TRIM37: variants seen among roughly 807,000 people sequenced by gnomAD.
TRIM37 encodes tripartite motif containing 37, also known as E3 ubiquitin-protein ligase TRIM37.
In TRIM37, 80 loss-of-function variants were observed where a neutral mutation model predicts 129.8. That is an observed-to-expected ratio of 0.62 (90% CI 0.51 to 0.74). The LOEUF (loss-of-function observed/expected upper bound fraction) is 0.74. Ranked by LOEUF, TRIM37 falls within the 30% of genes least tolerant of loss-of-function variation. The probability of loss-of-function intolerance (pLI) is 0.00; values close to 1 mark genes in which losing one functional copy is unlikely to be tolerated. For synonymous variants in TRIM37, 389 were observed against 387.1 expected, an observed-to-expected ratio of 1.00 and a Z score of -0.06; for missense variants, 1,054 against 1,176.5, an observed-to-expected ratio of 0.90 and a Z score of 1.52.
At chr17:59,016,719 G>T (rs2035991355) in intron 20 of TRIM37, among the ~76,000 whole-genome samples, 1 of 151,100 alleles carries the variant, frequency 6.6e-6, no homozygotes, top group South Asian at 2.1e-4. Flanking sequence ...GGAGGTCAAG[G>T]CTACAGTGAG....
chr17:59,106,704 A>C lies in TRIM37; in HGVS notation c.-243T>G. On this transcript the variant is annotated 5_prime_UTR_variant, in exon 1 of 24. Coordinates refer to ENST00000262294, the MANE Select transcript of TRIM37 (RefSeq NM_015294.6). ...CAGAAGTAGGGCGAACGGTGGCCGC[A>C]GCTCCTTTCTCCCGGCTCAGCCGCC... 2 of 589,508 alleles carry C rather than the reference A, an allele frequency of 3.4e-6. No individual in the cohort carries two copies. The highest frequency in any genetic ancestry group is 6.0e-6 in the Non-Finnish European group (2 of 331,838). 36.5% of individuals were successfully genotyped at this position (589,508 alleles called of 1,614,324 possible). A position where few individuals can be genotyped will look rare whatever the true frequency, so the allele number is the denominator to read the frequency against.
At chr17:59,105,438 A>C (rs1315966541) in intron 1 of TRIM37, among the ~76,000 whole-genome samples, 2 of 152,236 alleles carry the variant, frequency 1.3e-5, no homozygotes, top group Non-Finnish European at 2.9e-5. Context: ...TTATGTTTGC[A>C]AGCCTCAATT....
intron 24 of TRIM37, chr17:58,983,640 T>A (rs985413305): frequency 6.5e-6 from 1 of 152,678 alleles, no homozygotes; most frequent in Non-Finnish European, 1.5e-5. Flanking sequence ...ATCTATATAA[T>A]ATCTATAAAC....
downstream of TRIM37, chr17:58,980,398 T>G: frequency 6.2e-7 from 1 of 1,614,116 alleles, no homozygotes; most frequent in East Asian, 2.2e-5. This position sits in a 1 kb window ranked among gnomAD's most constrained non-coding sequence, Gnocchi z 4.7. Flanking sequence ...ATGATGGGCG[T>G]GTGGATTCAT....
At chr17:59,104,136 G>A (rs1003224766) in intron 2 of TRIM37, among the ~76,000 whole-genome samples, 157 bp downstream of exon 2, 3 of 152,108 alleles carry the variant, frequency 2.0e-5, no homozygotes, top group African/African-American at 7.2e-5. Context: ...CTTCAAGGCA[G>A]GCAATTTGTC....
intron 12 of TRIM37, among the ~76,000 whole-genome samples, chr17:59,060,136 C>G (rs1234458684): frequency 6.6e-6 from 1 of 152,142 alleles, no homozygotes; most frequent in African/African-American, 2.4e-5. Flanking sequence ...TTTCTAGACT[C>G]TCAGCACTAT....
In TRIM37 at chr17:59,095,751, C is replaced by T. The variant is rs537212726; in HGVS notation, c.124-4411G>A. On this transcript the variant is annotated intron_variant, in intron 2 of 23. Transcript: ENST00000262294. The stretch of plus-strand genomic sequence containing the variant: ...GTTTTTGTTTTTGAGACAAGTCTCA[C>T]TCTGTCACTCAGGCAGGAGAGCAGT... Among the ~76,000 whole-genome samples, 3 of 152,318 alleles carry T rather than the reference C, an allele frequency of 2.0e-5. No homozygotes were observed. The East Asian group carries it at 5.8e-4, about 29-fold the overall frequency.
chr17:58,986,159 TC>T (rs71367652), intron 24 of TRIM37, among the ~76,000 whole-genome samples: 3 of 151,378 alleles, frequency 2.0e-5, no homozygotes, highest in Non-Finnish European at 4.4e-5. Flanking sequence ...AACTGAGCAT[TC>T]CCCCCCACAC....
chr17:59,033,634 T>C (rs932872011), intron 17 of TRIM37, among the ~76,000 whole-genome samples: 6 of 152,098 alleles, frequency 3.9e-5, no homozygotes, highest in African/African-American at 1.4e-4. Flanking sequence ...TAGGATGGTC[T>C]GGATCTCCTA....
intron 17 of TRIM37, 106 bp from the exon 18 acceptor site, chr17:59,032,196 T>G: frequency 1.6e-6 from 2 of 1,215,068 alleles, no homozygotes; most frequent in Non-Finnish European, 2.4e-6. Context: ...TATGGACCTA[T>G]CTCTTAGGAG....
chr17:59,036,589 C>A (rs1285945141), intron 17 of TRIM37, among the ~76,000 whole-genome samples: 2 of 151,742 alleles, frequency 1.3e-5, no homozygotes, highest in African/African-American at 4.8e-5. Context: ...CTCAAGTGAT[C>A]CTACGGCCAC....
chr17:59,062,528 C>T (rs768621415), intron 11 of TRIM37, 39 bp downstream of exon 11: 9 of 1,524,642 alleles, frequency 5.9e-6, no homozygotes, highest in Middle Eastern at 3.4e-4. Flanking sequence ...GAAAGAAAGA[C>T]CTTGGTTTCA....
chr17:58,990,279 C>A (rs1428787338), intron 24 of TRIM37, among the ~76,000 whole-genome samples: 1 of 149,740 alleles, frequency 6.7e-6, no homozygotes, highest in African/African-American at 2.5e-5. Context: ...TCACTTGAGG[C>A]CAGGAGCTTG....
intron 18 of TRIM37, among the ~76,000 whole-genome samples, chr17:59,030,694 C>A (rs2056162049): frequency 6.6e-6 from 1 of 152,100 alleles, no homozygotes; most frequent in Admixed American, 6.5e-5. Context: ...ATAAAATATA[C>A]CATTGCATGG....
chr17:59,073,946 A>C (rs954397299), intron 8 of TRIM37, among the ~76,000 whole-genome samples: 1 of 152,248 alleles, frequency 6.6e-6, no homozygotes, highest in African/African-American at 2.4e-5. Context: ...AAAAAGTAGG[A>C]GTAAACTCTA....
chr17:59,081,155 T>G lies in TRIM37; in HGVS notation c.434A>C (p.Glu145Ala). 4.3e-6 allele frequency: 7 copies of G among 1,613,998 alleles called. No individual in the cohort carries two copies. The highest frequency in any genetic ancestry group is 5.9e-6 in the Non-Finnish European group (7 of 1,179,924). ...IYEQHVTKVNEEVAKLRRRLM... is the reference protein window; with the variant it reads ...IYEQHVTKVNAEVAKLRRRLM... ...ACGCCGACGAAGTTTGGCTACCTCT[T>G]CATTCACTTTAGTGACGTGTTGCTC... Residue 145 changes from glutamate (E) to alanine (A), a missense_variant, in exon 6 of 24, where the codon GAA becomes GCA. By Grantham distance (107) the Glu-to-Ala change is moderately radical. Coordinates refer to ENST00000262294, the MANE Select transcript of TRIM37 (RefSeq NM_015294.6).
rs994233040 is a variant in TRIM37, at chr17:59,062,738, T to G, written c.861-90A>C. On this transcript the variant is annotated intron_variant, in intron 10 of 23. Coordinates refer to ENST00000262294, the MANE Select transcript of TRIM37 (RefSeq NM_015294.6). ...AAGAAAGACCAACCAGTTTCTTTGT[T>G]ACATACTTGAAATCCTAGACAAATA... 2.4e-5 allele frequency: 24 copies of G among 1,013,902 alleles called. No individual in the cohort carries two copies. The East Asian group carries it at 5.9e-4, about 25-fold the overall frequency. 62.8% of individuals were successfully genotyped at this position (1,013,902 alleles called of 1,614,324 possible).
chr17:59,014,382 A>G (rs534670218), intron 21 of TRIM37, among the ~76,000 whole-genome samples: 15 of 152,356 alleles, frequency 9.8e-5, no homozygotes, highest in African/African-American at 3.6e-4. Flanking sequence ...AAGCAGATGG[A>G]TATTAATGGC....
At chr17:59,030,688 A>T (rs761355241) in intron 18 of TRIM37, among the ~76,000 whole-genome samples, 1 of 152,232 alleles carries the variant, frequency 6.6e-6, no homozygotes, top group Non-Finnish European at 1.5e-5. Flanking sequence ...TTGTCTATAA[A>T]ATATACCATT....
Sources: allele counts gnomAD v4.1 joint callset (sites outside exome capture counted in the v4.1 genomes callset), GRCh38; gene constraint gnomAD v4.1.1; non-coding constraint Gnocchi (gnomAD v3.1); transcripts MANE v1.5; gene names NCBI Gene and HGNC (gene_info 2026-07-23, HGNC 2026-07-21).